Variants in TNS3 observed in about 807,000 individuals in gnomAD.
TNS3 encodes the protein tensin 3.
A neutral mutation model predicts 140.9 loss-of-function variants in TNS3; 45 were observed. That is an observed-to-expected ratio of 0.32 (90% CI 0.25 to 0.41). The LOEUF is 0.41. Ranked by LOEUF, TNS3 falls within the 10% of genes least tolerant of loss-of-function variation. The pLI, the probability that TNS3 is intolerant of heterozygous loss-of-function variation, is 1.00. For missense variants in TNS3, 1,716 were observed against 1,906.7 expected (o/e 0.90, Z 1.86); for synonymous variants, 815 against 788.4 (o/e 1.03, Z -0.56).
At chr7:47,395,026 C>T (rs558766944) in intron 16 of TNS3, among the ~76,000 whole-genome samples, 25 of 152,248 alleles carry the variant, frequency 1.6e-4, no homozygotes, top group East Asian at 9.6e-4. Flanking sequence ...TCCCCTCTTA[C>T]GGCATTGGCA....
chr7:47,347,110 T>C (rs1789389928), intron 17 of TNS3, among the ~76,000 whole-genome samples: 1 of 152,230 alleles, frequency 6.6e-6, no homozygotes, highest in Non-Finnish European at 1.5e-5. Context: ...TTTCTATTGA[T>C]GACATAGTCT....
intron 16 of TNS3, among the ~76,000 whole-genome samples, chr7:47,394,088 C>A (rs1412977209): frequency 2.0e-5 from 3 of 152,206 alleles, no homozygotes; most frequent in Admixed American, 6.5e-5. Flanking sequence ...GAAAAATACA[C>A]CAATGGGAAT....
At chr7:47,453,200 G>A (rs1332040130) in intron 4 of TNS3, 2 of 985,542 alleles carry the variant, frequency 2.0e-6, no homozygotes, top group African/African-American at 3.5e-5. Context: ...GAGCTCACAG[G>A]ACAATGTCCG....
intron 1 of TNS3, among the ~76,000 whole-genome samples, chr7:47,534,075 A>T (rs774236014): frequency 3.3e-5 from 5 of 152,078 alleles, no homozygotes; most frequent in Non-Finnish European, 7.3e-5. Flanking sequence ...GGAGTTCAAG[A>T]CCAGCCTGGC....
rs528727184 is a variant in TNS3 at position 47,519,811 on chromosome 7, C to T, written c.-153+9225G>A. ...CCATCCTCTGGAACAGAGCTCCTCA[C>T]ATTTCTTTTTTTTTTTTTTTTTTTT... On this transcript the variant is annotated intron_variant, in intron 2 of 30. Transcript: ENST00000311160. Among the ~76,000 whole-genome samples, 6 of 98,514 alleles carry T rather than the reference C, an allele frequency of 6.1e-5. No individual in the cohort carries two copies. The Admixed American group carries it at 6.3e-4, about 10-fold the overall frequency. The allele number at this position is 98,514 out of a possible 152,430, so 64.6% of individuals were successfully genotyped here.
chr7:47,389,002 G>GGAAGAAGAAGAAGAAGAAGAAGAAGAA (rs1175410885), intron 16 of TNS3, among the ~76,000 whole-genome samples: 1 of 6,622 alleles, frequency 1.5e-4, no homozygotes, highest in African/African-American at 2.0e-4. Flanking sequence ...AGAAGAAGAA[G>GGAAGAAGAAGAAGAAGAAGAAGAAGAA]GAAGAAGAAG....
intron 20 of TNS3, among the ~76,000 whole-genome samples, chr7:47,309,455 T>C (rs1344685690): frequency 3.7e-4 from 56 of 152,048 alleles, no homozygotes; most frequent in Admixed American, 3.7e-3. Flanking sequence ...ATAATAAAAA[T>C]AGCTCAACAA....
chr7:47,320,564 C>T (rs1472082161), intron 20 of TNS3, among the ~76,000 whole-genome samples: 1 of 152,196 alleles, frequency 6.6e-6, no homozygotes, highest in African/African-American at 2.4e-5. Context: ...CTGCGGTGCA[C>T]AGATGGCCAT....
chr7:47,318,809 T>C (rs1391026832), intron 20 of TNS3, among the ~76,000 whole-genome samples: 4 of 152,236 alleles, frequency 2.6e-5, no homozygotes, highest in African/African-American at 9.6e-5. Context: ...CAGCTCAAGA[T>C]GATACCGGCG....
At chr7:47,579,117 G>A (rs1784471223) in intron 1 of TNS3, 1 of 152,282 alleles carries the variant, frequency 6.6e-6, no homozygotes, top group African/African-American at 2.4e-5. Context: ...CTCTTGCTGT[G>A]AGGAAGAGAG....
rs772231493 is a variant in TNS3 at position 47,303,261 on chromosome 7, G to A, written c.3146C>T (p.Pro1049Leu). ...ALLANSHGAS[P>L]TPSIPLTATG... is the part of the protein sequence containing the mutation. Reference sequence around the variant, plus strand: ...CGCTGTCAGCGGGATGCTGGGGGTCGGTGACGCTCCATGAGAATTGGCCAG... The same window carrying A: ...CGCTGTCAGCGGGATGCTGGGGGTCAGTGACGCTCCATGAGAATTGGCCAG... Residue 1049 changes from proline to leucine, a missense_variant, in exon 22 of 31, where the codon CCG becomes CTG. Around this residue, in one of 3 missense-constraint regions of TNS3, gnomAD observed 1,163 missense variants for 1,182.1 expected, o/e 0.98. Transcript: ENST00000311160. 205 of 1,613,500 alleles carry A rather than the reference G, an allele frequency of 1.3e-4. No individual in the cohort carries two copies. Among genetic ancestry groups the A allele is most frequent in the Non-Finnish European group, 1.7e-4 (196 of 1,179,960 alleles).
At chr7:47,440,723 A>G (rs1795426098) in intron 5 of TNS3, among the ~76,000 whole-genome samples, 1 of 152,162 alleles carries the variant, frequency 6.6e-6, no homozygotes. Flanking sequence ...GGTTCCAGGG[A>G]GAGGGGATGG....
chr7:47,281,497 A>T (rs556082446), intron 28 of TNS3, among the ~76,000 whole-genome samples: 1 of 152,244 alleles, frequency 6.6e-6, no homozygotes, highest in Non-Finnish European at 1.5e-5. Flanking sequence ...GAGATAGGCT[A>T]GGGCAGAGGC....
chr7:47,426,557 T>G (rs565282571), intron 9 of TNS3, among the ~76,000 whole-genome samples: 1 of 152,310 alleles, frequency 6.6e-6, no homozygotes, highest in East Asian at 1.9e-4. Context: ...TCTAAGTGCT[T>G]TTTGTGTAAC....
intron 1 of TNS3, among the ~76,000 whole-genome samples, chr7:47,530,695 G>C (rs987475353): frequency 6.6e-6 from 1 of 150,854 alleles, no homozygotes; most frequent in Non-Finnish European, 1.5e-5. Context: ...CATGGTGGTG[G>C]TGCCTGTAAT....
In TNS3 at chr7:47,389,109, C is replaced by CAGAAGCAGAAGAAGAAGA. The variant is rs1195199187; in HGVS notation, c.1024+7690_1024+7691insTCTTCTTCTTCTGCTTCT. On this transcript the variant is annotated intron_variant, in intron 16 of 30. Transcript: ENST00000311160. ...GAGGAAGAGGAAGAGGAAGCGGAAG[C>CAGAAGCAGAAGAAGAAGA]AGAAGAAGAAGAAGAAGAAGAAGAA... Among the ~76,000 whole-genome samples the CAGAAGCAGAAGAAGAAGA allele has an allele frequency of 1.4e-3, 84 of 59,144 alleles. 16 individuals carry two copies. The highest frequency in any genetic ancestry group is 6.6e-3 in the South Asian group (10 of 1,510). 38.8% of individuals were successfully genotyped at this position (59,144 alleles called of 152,430 possible).
chr7:47,561,537 T>C (rs1160358528), intron 1 of TNS3, among the ~76,000 whole-genome samples: 1 of 152,178 alleles, frequency 6.6e-6, no homozygotes, highest in East Asian at 1.9e-4. Flanking sequence ...TCACAATGGC[T>C]ACTAGGAAGC....
Position 47,369,169 on chromosome 7 carries a change from G to A in TNS3, c.1477C>T (p.Leu493Phe). 2 of 1,614,148 alleles carry A rather than the reference G, an allele frequency of 1.2e-6. No individual in the cohort carries two copies. Among genetic ancestry groups the A allele is most frequent in the South Asian group, 2.2e-5 (2 of 91,086 alleles). ...PHHDLHSVDS[L>F]GTLSSSEGPQ... ...CCTTCCGAGGAGGACAGGGTCCCAAGGCTGTCCACACTGTGCAGGTCGTGG... is the reference window on the plus strand; with the variant it reads ...CCTTCCGAGGAGGACAGGGTCCCAAAGCTGTCCACACTGTGCAGGTCGTGG... Residue 493 changes from leucine (L) to phenylalanine (F), a missense_variant, in exon 17 of 31, where the codon CTT becomes TTT. Leu to Phe is a conservative substitution (Grantham distance 22, BLOSUM62 0). Around this residue, in one of 3 missense-constraint regions of TNS3, gnomAD observed 1,163 missense variants for 1,182.1 expected, o/e 0.98. Transcript: ENST00000311160.
At chr7:47,301,744 A>G (rs1051900333) in intron 23 of TNS3, among the ~76,000 whole-genome samples, 1 of 151,800 alleles carries the variant, frequency 6.6e-6, no homozygotes, top group Non-Finnish European at 1.5e-5. Flanking sequence ...TTAAGTGCTT[A>G]TGTAGGTGTT....
Sources: allele counts gnomAD v4.1 joint callset (sites outside exome capture counted in the v4.1 genomes callset), GRCh38; gene constraint gnomAD v4.1.1; regional missense constraint gnomAD v4.1.1; transcripts MANE v1.5; gene names NCBI Gene and HGNC (gene_info 2026-07-23, HGNC 2026-07-21).